IL2RA: variants seen among roughly 807,000 people sequenced by gnomAD.
The protein encoded by IL2RA is interleukin 2 receptor subunit alpha.
A neutral mutation model predicts 37.8 loss-of-function variants in IL2RA; 24 were observed. That is an observed-to-expected ratio of 0.63 (90% CI 0.46 to 0.89). The LOEUF is 0.89. IL2RA is among the 40% of genes least tolerant of loss of function. The pLI is 0.00. For missense variants in IL2RA, 319 were observed against 348.6 expected (o/e 0.92, Z 0.68); for synonymous variants, 125 against 114.6 (o/e 1.09, Z -0.58).
rs1407877288 is a variant in IL2RA at position 6,011,482 on chromosome 10, T to G, written c.*1390A>C. On this transcript the variant is annotated 3_prime_UTR_variant, in exon 8 of 8. Transcript: ENST00000379959. The surrounding 1 kb of genome is among the most constrained non-coding windows in gnomAD (Gnocchi z 5.2). ...CCCAGCGAACTCTTTTAACAAGGCC[T>G]CCCGGTGATTCTAATATGCTGAACT... 1 of 152,196 alleles carries G rather than the reference T, an allele frequency of 6.6e-6. No homozygotes were observed. Among genetic ancestry groups the G allele is most frequent in the Admixed American group, 6.5e-5 (1 of 15,276 alleles). The allele number at this position is 152,196 out of a possible 1,614,324, so 9.4% of individuals were successfully genotyped here.
Position 6,025,780 on chromosome 10 carries a change from C to G in IL2RA, c.256+54G>C. 6.4e-7 allele frequency: 1 copy of G among 1,552,372 alleles called. No homozygotes were observed. ...TGAGTGAACAAAAGCTGGGCTCTGT[C>G]TCACTCTTTGCTGCAGTTCTTTTGT... is the stretch of plus-strand genomic sequence containing the variant. On this transcript the variant is annotated intron_variant, in intron 2 of 7. Coordinates refer to ENST00000379959, the MANE Select transcript of IL2RA (RefSeq NM_000417.3). The surrounding 1 kb of genome is among the most constrained non-coding windows in gnomAD (Gnocchi z 4.4).
intron 1 of IL2RA, among the ~76,000 whole-genome samples, chr10:6,039,163 T>A (rs530513086): frequency 6.6e-6 from 1 of 152,316 alleles, no homozygotes; most frequent in South Asian, 2.1e-4. Context: ...TATATTAACA[T>A]CAGACTTCAA....
chr10:6,051,362 G>C (rs867866218), intron 1 of IL2RA, among the ~76,000 whole-genome samples: 1 of 151,960 alleles, frequency 6.6e-6, no homozygotes, highest in Non-Finnish European at 1.5e-5. Flanking sequence ...CTTTAACTCC[G>C]GGGACTTCAA....
At chr10:6,019,800 G>T in intron 5 of IL2RA, 70 bp downstream of exon 5, 1 of 1,415,586 alleles carries the variant, frequency 7.1e-7, no homozygotes, top group Non-Finnish European at 1.0e-6. Flanking sequence ...ATCTCCCTGA[G>T]CCTGGCTCCT....
Position 6,021,592 on chromosome 10 carries a change from T to C in IL2RA, c.469A>G (p.Arg157Gly), listed in dbSNP as rs1839388289. 1 of 1,613,984 alleles carries C rather than the reference T, an allele frequency of 6.2e-7. No homozygotes were observed. The highest frequency in any genetic ancestry group is 8.5e-7 in the Non-Finnish European group (1 of 1,179,948). ...MVYYQCVQGY[R>G]ALHRGPAESV... is the part of the protein sequence containing the mutation. ...TCAGCAGGACCTCTGTGTAGAGCCC[T>C]GTATCCCTGGACGCACTGATAATAA... The change falls in exon 4 of 8, where the codon AGG (arginine) becomes GGG (glycine). Residue 157 changes from arginine (R) to glycine (G), a missense_variant. Physicochemically the swap from Arg to Gly is moderately radical, Grantham distance 125 (BLOSUM62 -2). Coordinates refer to ENST00000379959, the MANE Select transcript of IL2RA (RefSeq NM_000417.3). The surrounding 1 kb of genome is among the most constrained non-coding windows in gnomAD (Gnocchi z 4.9).
intron 1 of IL2RA, among the ~76,000 whole-genome samples, chr10:6,060,315 A>T (rs1481284124): frequency 1.3e-5 from 2 of 152,184 alleles, no homozygotes; most frequent in African/African-American, 4.8e-5. Context: ...TACAGCATAC[A>T]TGCTCAGGTG....
Position 6,019,464 on chromosome 10 carries a change from C to G in IL2RA, c.691G>C (p.Glu231Gln), listed in dbSNP as rs150060415. ...QIQTEMAATMETSIFTTEYQV... is the reference protein window; with the variant it reads ...QIQTEMAATMQTSIFTTEYQV... ...TACTCTGTTGTAAATATGGACGTCT[C>G]CATGGTTGCAGCCATTTCTGTCTGT... The change falls in exon 6 of 8, where the codon GAG becomes CAG. Residue 231 changes from glutamate to glutamine, a missense_variant. Transcript: ENST00000379959. The G allele has an allele frequency of 1.0e-4, 165 of 1,613,742 alleles. No homozygotes were observed. In the African/African-American group the frequency reaches 2.1e-3, roughly 21 times the overall value.
intron 1 of IL2RA, among the ~76,000 whole-genome samples, chr10:6,041,395 G>A (rs1203901309): frequency 6.6e-6 from 1 of 152,106 alleles, no homozygotes; most frequent in Non-Finnish European, 1.5e-5. Flanking sequence ...GATTACAGGG[G>A]GGAGCCACTG....
rs374714550 is a variant in IL2RA, at chr10:6,044,311, C to T, written c.64+17777G>A. On this transcript the variant is annotated intron_variant, in intron 1 of 7. Transcript: ENST00000379959. The surrounding 1 kb of genome is among the most constrained non-coding windows in gnomAD (Gnocchi z 4.5). ...TATTGAAGTGGCAATGTTATAGTTC[C>T]GGCTGTGCTACAGCTCCGTGACTGC... Among the ~76,000 whole-genome samples, 14 of 152,196 alleles carry T rather than the reference C, an allele frequency of 9.2e-5. No homozygotes were observed. Among genetic ancestry groups the T allele is most frequent in the Non-Finnish European group, 1.9e-4 (13 of 68,046 alleles).
At position 6,013,832 on chromosome 10, in the gene IL2RA, A is replaced by ATTT. The variant is rs55729291; in HGVS notation, c.795-939_795-937dup. ...TTAAATTGTAAATTTAAATATTTTA[A>ATTT]TTTTTTTTTTTTTTTTTGAGACAGC... On this transcript the variant is annotated intron_variant, in intron 7 of 7. Coordinates refer to ENST00000379959, the MANE Select transcript of IL2RA (RefSeq NM_000417.3). Among the ~76,000 whole-genome samples, 74 of 136,670 alleles carry ATTT rather than the reference A, an allele frequency of 5.4e-4. 1 individual carries two copies. Among genetic ancestry groups the ATTT allele is most frequent in the African/African-American group, 1.4e-3 (51 of 36,584 alleles). 89.7% of individuals were successfully genotyped at this position (136,670 alleles called of 152,430 possible). A position where few individuals can be genotyped will look rare whatever the true frequency, so the allele number is the denominator to read the frequency against.
At position 6,036,074 on chromosome 10, in the gene IL2RA, C is replaced by G. The variant is rs1346127506; in HGVS notation, c.65-10049G>C. ...GCATCATGGAACAGGTCTGGGAGAA[C>G]AGAGGGTGCAGGTGAAGGGCCCTCG... On this transcript the variant is annotated intron_variant, in intron 1 of 7. Coordinates refer to ENST00000379959, the MANE Select transcript of IL2RA (RefSeq NM_000417.3). This position sits in a 1 kb window ranked among gnomAD's most constrained non-coding sequence, Gnocchi z 6.1. The G allele has an allele frequency of 6.6e-6, 1 of 152,238 alleles. No individual in the cohort carries two copies. Among genetic ancestry groups the G allele is most frequent in the African/African-American group, 2.4e-5 (1 of 41,448 alleles). 9.4% of individuals were successfully genotyped at this position (152,238 alleles called of 1,614,324 possible).
At position 6,020,953 on chromosome 10, in the gene IL2RA, G is replaced by A. The variant is rs1415024249; in HGVS notation, c.583+525C>T. Among the ~76,000 whole-genome samples, 7 of 119,640 alleles carry A rather than the reference G, an allele frequency of 5.9e-5. No individual in the cohort carries two copies. Among genetic ancestry groups the A allele is most frequent in the Non-Finnish European group, 1.2e-4 (6 of 49,834 alleles). 78.5% of individuals were successfully genotyped at this position (119,640 alleles called of 152,430 possible). On this transcript the variant is annotated intron_variant, in intron 4 of 7. Coordinates refer to ENST00000379959, the MANE Select transcript of IL2RA (RefSeq NM_000417.3). The surrounding 1 kb of genome is among the most constrained non-coding windows in gnomAD (Gnocchi z 5.6). Reference sequence around the variant, plus strand: ...AGTATGTGTGTGTGTGTGTGTGTGTGCGCGCATGTGCACTGAGTAAGTCCC... The same window carrying A: ...AGTATGTGTGTGTGTGTGTGTGTGTACGCGCATGTGCACTGAGTAAGTCCC...
Position 6,021,101 on chromosome 10 carries a change from A to C in IL2RA, c.583+377T>G, listed in dbSNP as rs528718751. Reference sequence around the variant, plus strand: ...TTTACACGATCACCAGTAAGAGGAAAAATGTGTGAGTGGGAAACTGGACTT... The same window carrying C: ...TTTACACGATCACCAGTAAGAGGAACAATGTGTGAGTGGGAAACTGGACTT... On this transcript the variant is annotated intron_variant, in intron 4 of 7. Coordinates refer to ENST00000379959, the MANE Select transcript of IL2RA (RefSeq NM_000417.3). The surrounding 1 kb of genome is among the most constrained non-coding windows in gnomAD (Gnocchi z 4.9). Among the ~76,000 whole-genome samples, 24 of 152,252 alleles carry C rather than the reference A, an allele frequency of 1.6e-4. No individual in the cohort carries two copies. The highest frequency in any genetic ancestry group is 5.5e-4 in the African/African-American group (23 of 41,548).
chr10:6,017,908 C>G, intron 7 of IL2RA, 145 bp downstream of exon 7: 1 of 717,888 alleles, frequency 1.4e-6, no homozygotes, highest in Non-Finnish European at 2.6e-6. Flanking sequence ...TGACTCTTTC[C>G]GAGGCATGGA....
chr10:6,026,697 T>C (rs1839488688), intron 1 of IL2RA, among the ~76,000 whole-genome samples: 4 of 152,208 alleles, frequency 2.6e-5, no homozygotes, highest in Admixed American at 2.6e-4. Context: ...AGAAAAATAA[T>C]TCCATTGCCT....
At chr10:6,024,186 G>T (rs12722691) in intron 3 of IL2RA, 58 bp downstream of exon 3, 2 of 1,114,236 alleles carry the variant, frequency 1.8e-6, no homozygotes, top group African/African-American at 1.5e-5. Flanking sequence ...CACATCATCT[G>T]CCTGCAGGAG....
intron 1 of IL2RA, among the ~76,000 whole-genome samples, chr10:6,041,638 A>AC (rs980144236): frequency 5.8e-4 from 88 of 152,360 alleles, no homozygotes; most frequent in African/African-American, 2.0e-3. Context: ...CTTGTAAAAG[A>AC]CAGAGGTATT....
In IL2RA at chr10:6,015,818, G is replaced by A. The variant is rs1839266179; in HGVS notation, c.794+2235C>T. Among the ~76,000 whole-genome samples, 1 of 152,156 alleles carries A rather than the reference G, an allele frequency of 6.6e-6. No individual in the cohort carries two copies. The highest frequency in any genetic ancestry group is 2.4e-5 in the African/African-American group (1 of 41,418). On this transcript the variant is annotated intron_variant, in intron 7 of 7. Coordinates refer to ENST00000379959, the MANE Select transcript of IL2RA (RefSeq NM_000417.3). This position sits in a 1 kb window ranked among gnomAD's most constrained non-coding sequence, Gnocchi z 4.9. ...TGCATATGTATTAGATACATCTGAGGGGCTTTAAAACGTACGACTATCCCA... is the reference window on the plus strand; with the variant it reads ...TGCATATGTATTAGATACATCTGAGAGGCTTTAAAACGTACGACTATCCCA...
chr10:6,024,413 G>T, intron 2 of IL2RA, 59 bp from the exon 3 acceptor site: 1 of 1,229,836 alleles, frequency 8.1e-7, no homozygotes, highest in Non-Finnish European at 1.2e-6. Flanking sequence ...AGAAAACACT[G>T]TTCATGTATT....
Sources: allele counts gnomAD v4.1 joint callset (sites outside exome capture counted in the v4.1 genomes callset), GRCh38; gene constraint gnomAD v4.1.1; non-coding constraint Gnocchi (gnomAD v3.1); transcripts MANE v1.5; gene names NCBI Gene and HGNC (gene_info 2026-07-23, HGNC 2026-07-21).